The following PPFIA2 variants were observed in gnomAD, a reference collection of about 807,000 sequenced individuals.
PPFIA2 encodes PPFI scaffold protein A2, also known as liprin-alpha-2.
Under a neutral mutation model 175.5 loss-of-function variants are expected in PPFIA2, and 46 were observed. The ratio of observed to expected loss-of-function variants is 0.26; its 90% CI spans 0.21 to 0.34. PPFIA2 has a LOEUF of 0.34. Among genes scored for constraint, PPFIA2 ranks in the 10% least tolerant of loss-of-function variants. The pLI, the probability that PPFIA2 is intolerant of heterozygous loss-of-function variation, is 1.00. For missense variants in PPFIA2, 1,179 were observed against 1,506.1 expected (o/e 0.78, Z 3.60); for synonymous variants, 568 against 511.4 (o/e 1.11, Z -1.49).
intron 22 of PPFIA2, 93 bp from the exon 23 acceptor site, chr12:81,299,475 C>A: frequency 2.1e-6 from 3 of 1,448,054 alleles, no homozygotes; most frequent in Non-Finnish European, 2.8e-6. Flanking sequence ...ACCAATCATC[C>A]TTTACAAGAT....
chr12:81,268,147 T>C lies in PPFIA2; in HGVS notation c.3311-60A>G. 4 of 1,055,164 alleles carry C rather than the reference T, an allele frequency of 3.8e-6. 1 individual carries two copies. The highest frequency in any genetic ancestry group is 5.1e-6 in the Non-Finnish European group (4 of 777,466). The allele number at this position is 1,055,164 out of a possible 1,614,324, so 65.4% of individuals were successfully genotyped here. ...ATTTTTCTTTCTTTTTTTTTTTTTT[T>C]TTTTTTTTTGAGACGGAGACTCGCT... On this transcript the variant is annotated intron_variant, in intron 28 of 32. Transcript: ENST00000549396.
chr12:81,724,789 A>G (rs993465961), intron 3 of PPFIA2, among the ~76,000 whole-genome samples: 2 of 150,998 alleles, frequency 1.3e-5, no homozygotes, highest in Non-Finnish European at 3.0e-5. Context: ...TGCAATAAAC[A>G]TAAGGGGGAA....
intron 3 of PPFIA2, among the ~76,000 whole-genome samples, chr12:81,708,034 A>AG (rs1220730841): frequency 4.9e-4 from 36 of 74,006 alleles, no homozygotes; most frequent in Non-Finnish European, 7.9e-4. Flanking sequence ...GGGTGGGGGG[A>AG]GGGGGGAGGG....
At chr12:81,739,592 G>T (rs1334266848) in intron 3 of PPFIA2, among the ~76,000 whole-genome samples, 2 of 151,754 alleles carry the variant, frequency 1.3e-5, no homozygotes, top group Non-Finnish European at 2.9e-5. Context: ...AAAAAACTTG[G>T]TCAATTAATC....
At chr12:81,508,627 A>G (rs1276977528) in intron 4 of PPFIA2, among the ~76,000 whole-genome samples, 1 of 145,698 alleles carries the variant, frequency 6.9e-6, no homozygotes, top group Non-Finnish European at 1.5e-5. Context: ...ATTTATTATT[A>G]TTATACTTTA....
intron 5 of PPFIA2, among the ~76,000 whole-genome samples, chr12:81,449,068 C>A (rs147107488): frequency 1.1e-3 from 171 of 152,274 alleles, no homozygotes; most frequent in Non-Finnish European, 2.1e-3. Context: ...TCTTCAGTAA[C>A]CTGGTGGACA....
chr12:81,409,269 T>A (rs977181029), intron 7 of PPFIA2, among the ~76,000 whole-genome samples: 7 of 152,050 alleles, frequency 4.6e-5, no homozygotes, highest in Admixed American at 6.6e-5. Context: ...CTAACGTAGG[T>A]CTGGATGCCT....
At chr12:81,527,585 T>C (rs2063881549) in intron 4 of PPFIA2, among the ~76,000 whole-genome samples, 1 of 152,116 alleles carries the variant, frequency 6.6e-6, no homozygotes, top group African/African-American at 2.4e-5. Flanking sequence ...CAGGCAAGCC[T>C]TTCCTCATAC....
chr12:81,306,541 GT>G (rs34245260), intron 22 of PPFIA2, among the ~76,000 whole-genome samples: 35,405 of 106,880 alleles, frequency 0.33, 4,410 homozygotes, highest in Non-Finnish European at 0.41. Context: ...TTGTTTCGTT[GT>G]TTTTTTTTTT....
intron 22 of PPFIA2, 57 bp from the exon 23 acceptor site, chr12:81,299,439 AT>A (rs1446840842): frequency 1.3e-6 from 2 of 1,513,272 alleles, no homozygotes; most frequent in East Asian, 2.5e-5. Context: ...GGCTGTGATT[AT>A]TTTTAATGAT....
chr12:81,433,563 A>G (rs1055156498), intron 7 of PPFIA2, among the ~76,000 whole-genome samples: 11 of 152,142 alleles, frequency 7.2e-5, no homozygotes, highest in African/African-American at 2.4e-4. Flanking sequence ...CACATGGTAG[A>G]GATTAATTAA....
intron 4 of PPFIA2, among the ~76,000 whole-genome samples, chr12:81,589,504 C>T (rs1013064944): frequency 6.6e-6 from 1 of 151,888 alleles, no homozygotes; most frequent in African/African-American, 2.4e-5. Context: ...AAATAAAAGC[C>T]TTAAATTTAA....
rs1449535463 is a variant in PPFIA2 at position 81,277,287 on chromosome 12, G to T, written c.3310+30C>A. On this transcript the variant is annotated intron_variant, in intron 28 of 32. Transcript: ENST00000549396. Reference sequence around the variant, plus strand: ...TGAAAGCTAAAAACCCCAGAATAAAGGCATTTCATATGAAAGAAAGATATA... The same window carrying T: ...TGAAAGCTAAAAACCCCAGAATAAATGCATTTCATATGAAAGAAAGATATA... The T allele has an allele frequency of 2.7e-6, 4 of 1,507,528 alleles. No individual in the cohort carries two copies. The Admixed American group carries it at 9.1e-5, about 34-fold the overall frequency. The allele number at this position is 1,507,528 out of a possible 1,614,324, so 93.4% of individuals were successfully genotyped here.
intron 4 of PPFIA2, among the ~76,000 whole-genome samples, chr12:81,476,023 G>A (rs1212221807): frequency 6.6e-6 from 1 of 152,140 alleles, no homozygotes; most frequent in African/African-American, 2.4e-5. Context: ...TATATTAATG[G>A]TCAAACTGAT....
At chr12:81,358,293 A>G in intron 15 of PPFIA2, 76 bp from the exon 16 acceptor site, 2 of 1,348,478 alleles carry the variant, frequency 1.5e-6, no homozygotes, top group Non-Finnish European at 2.0e-6. Flanking sequence ...CTGCTGTTTT[A>G]CTGGCAATAA....
chr12:81,654,851 C>T (rs2153537462), intron 4 of PPFIA2, among the ~76,000 whole-genome samples: 1 of 152,174 alleles, frequency 6.6e-6, no homozygotes, highest in East Asian at 1.9e-4. Flanking sequence ...GGAAGCGCTT[C>T]TTCTTTTTAA....
chr12:81,568,650 T>G (rs2071847586), intron 4 of PPFIA2, among the ~76,000 whole-genome samples: 1 of 152,064 alleles, frequency 6.6e-6, no homozygotes, highest in Admixed American at 6.6e-5. Flanking sequence ...TACAAGGGAG[T>G]GTCTTGTCTC....
chr12:81,498,193 T>C (rs1356406205), intron 4 of PPFIA2, among the ~76,000 whole-genome samples: 1 of 152,228 alleles, frequency 6.6e-6, no homozygotes, highest in Non-Finnish European at 1.5e-5. Flanking sequence ...ATATACTCTT[T>C]ACTCAGCTTC....
At chr12:81,443,770 T>C (rs1168783213) in intron 6 of PPFIA2, among the ~76,000 whole-genome samples, 1 of 151,698 alleles carries the variant, frequency 6.6e-6, no homozygotes, top group Non-Finnish European at 1.5e-5. Flanking sequence ...GTGTGGGTCC[T>C]GCTGCTTAGA....
Sources: allele counts gnomAD v4.1 joint callset (sites outside exome capture counted in the v4.1 genomes callset), GRCh38; gene constraint gnomAD v4.1.1; transcripts MANE v1.5; gene names NCBI Gene and HGNC (gene_info 2026-07-23, HGNC 2026-07-21).